Variants in CCDC91 observed in about 807,000 individuals in gnomAD.
CCDC91 encodes coiled-coil domain-containing protein 91.
A neutral mutation model predicts 63.2 loss-of-function variants in CCDC91; 48 were observed. The observed-to-expected ratio is 0.76, with a 90% CI of 0.60 to 0.97. CCDC91 has a LOEUF of 0.97. CCDC91 is among the 50% of genes least tolerant of loss of function. The pLI, the probability that CCDC91 is intolerant of heterozygous loss-of-function variation, is 0.00. For synonymous variants in CCDC91, 167 were observed against 165.8 expected (o/e 1.01, Z -0.06); for missense variants, 500 against 494.6 (o/e 1.01, Z -0.10).
rs150999297 is a variant in CCDC91 at position 28,464,407 on chromosome 12, C to T, written c.1101+11753C>T. ...CACCCATCCCCAGCCCCAGGTTGTA[C>T]AGCTCCCAGCTCCAAAAGAGACCCC... On this transcript the variant is annotated intron_variant, in intron 11 of 12. Coordinates refer to ENST00000536442, the MANE Select transcript of CCDC91 (RefSeq NM_018318.5). Among the ~76,000 whole-genome samples the T allele has an allele frequency of 1.8e-3, 281 of 152,298 alleles. 2 individuals carry two copies. Among genetic ancestry groups the T allele is most frequent in the African/African-American group, 6.3e-3 (261 of 41,576 alleles).
chr12:28,415,599 A>T (rs1306521419), intron 8 of CCDC91, among the ~76,000 whole-genome samples: 1 of 152,128 alleles, frequency 6.6e-6, no homozygotes, highest in Non-Finnish European at 1.5e-5. Flanking sequence ...AATTATAAAA[A>T]CATGGAAATT....
chr12:28,510,358 A>G (rs979562775), intron 12 of CCDC91, among the ~76,000 whole-genome samples: 3 of 151,690 alleles, frequency 2.0e-5, no homozygotes, highest in Non-Finnish European at 4.4e-5. Flanking sequence ...AGAGCTGATA[A>G]GTGGTTCCAA....
At chr12:28,540,539 T>C (rs758180048) in intron 12 of CCDC91, among the ~76,000 whole-genome samples, 3 of 152,120 alleles carry the variant, frequency 2.0e-5, no homozygotes, top group Non-Finnish European at 2.9e-5. Flanking sequence ...CAGCGTAGTA[T>C]TGTGGTTTAA....
intron 3 of CCDC91, among the ~76,000 whole-genome samples, chr12:28,299,838 C>T (rs1364656674): frequency 1.3e-5 from 2 of 151,000 alleles, no homozygotes; most frequent in African/African-American, 4.9e-5. Flanking sequence ...TTTTTTATTC[C>T]CTCAACCTTT....
chr12:28,478,501 T>G (rs990921577), intron 11 of CCDC91, among the ~76,000 whole-genome samples: 1 of 152,048 alleles, frequency 6.6e-6, no homozygotes. Flanking sequence ...CCTAAAACCA[T>G]AAAAACCCTA....
chr12:28,246,332 G>A (rs1334092030), intron 1 of CCDC91, among the ~76,000 whole-genome samples: 1 of 152,018 alleles, frequency 6.6e-6, no homozygotes, highest in Non-Finnish European at 1.5e-5. Flanking sequence ...GGGTCTTCAG[G>A]TTTATGTTGT....
intron 8 of CCDC91, among the ~76,000 whole-genome samples, chr12:28,396,930 A>G (rs1184645267): frequency 9.9e-5 from 15 of 152,124 alleles, no homozygotes; most frequent in African/African-American, 3.6e-4. Flanking sequence ...AGAACTTACG[A>G]GAAAGCTGGT....
chr12:28,325,181 G>A (rs1379503657), intron 6 of CCDC91, among the ~76,000 whole-genome samples: 1 of 151,894 alleles, frequency 6.6e-6, no homozygotes, highest in Non-Finnish European at 1.5e-5. Context: ...AAAAGTAATT[G>A]AATGTATACA....
chr12:28,255,798 C>T (rs1946405994), intron 1 of CCDC91: 1 of 152,036 alleles, frequency 6.6e-6, no homozygotes, highest in Admixed American at 6.6e-5. Context: ...TTTCCTTTGC[C>T]TGTTAAAACA....
intron 12 of CCDC91, among the ~76,000 whole-genome samples, chr12:28,511,066 C>G (rs1432371680): frequency 1.3e-5 from 2 of 151,912 alleles, no homozygotes; most frequent in Admixed American, 1.3e-4. Context: ...CTAAGTTCAT[C>G]AGCTTACCAC....
chr12:28,205,000 C>G (rs1942738031), intron 1 of CCDC91, among the ~76,000 whole-genome samples: 1 of 152,126 alleles, frequency 6.6e-6, no homozygotes, highest in South Asian at 2.1e-4. Flanking sequence ...GTTGACATTT[C>G]TTTAGGACCC....
In CCDC91 at chr12:28,492,931, A is replaced by C. The variant is rs1952087046; in HGVS notation, c.1215+8766A>C. 2.0e-5 allele frequency among the ~76,000 whole-genome samples: 3 copies of C among 151,784 alleles called. No homozygotes were observed. The Admixed American group carries it at 2.0e-4, about 10-fold the overall frequency. Reference sequence around the variant, plus strand: ...AAGTTGCTTGCTGTAAAAATTCAGCAATATAGGCTCCCAGAAAACAGTACC... The same window carrying C: ...AAGTTGCTTGCTGTAAAAATTCAGCCATATAGGCTCCCAGAAAACAGTACC... On this transcript the variant is annotated intron_variant, in intron 12 of 12. Coordinates refer to ENST00000536442, the MANE Select transcript of CCDC91 (RefSeq NM_018318.5).
At position 28,259,392 on chromosome 12, in the gene CCDC91, G is replaced by A. The variant is rs1946668089; in HGVS notation, c.59G>A (p.Gly20Asp). 6.2e-7 allele frequency: 1 copy of A among 1,611,616 alleles called. No homozygotes were observed. ...GCGGAGACTTTTGATGGTGGAAGTG[G>A]TGAAACCCAAACAACATCTCCTGCT... ...EAAETFDGGSGETQTTSPAIP... is the reference protein window; with the variant it reads ...EAAETFDGGSDETQTTSPAIP... The change falls in exon 3 of 13, where the codon GGT becomes GAT. Residue 20 changes from glycine (G) to aspartate (D), a missense_variant. Physicochemically the swap from Gly to Asp is moderately conservative, Grantham distance 94. Transcript: ENST00000536442.
chr12:28,257,173 G>T (rs747052379), intron 1 of CCDC91, 29 bp from the exon 2 acceptor site: 7 of 1,474,052 alleles, frequency 4.7e-6, no homozygotes, highest in African/African-American at 1.4e-5. Flanking sequence ...TGTGTGTGCG[G>T]GCTTGTTTCA....
intron 3 of CCDC91, among the ~76,000 whole-genome samples, chr12:28,265,240 C>G (rs758337892): frequency 4.6e-5 from 7 of 152,012 alleles, no homozygotes; most frequent in Admixed American, 1.3e-4. Flanking sequence ...TAGCACTACA[C>G]AGACCACATT....
At chr12:28,338,148 GA>G (rs1942130753) in intron 6 of CCDC91, among the ~76,000 whole-genome samples, 3 of 152,066 alleles carry the variant, frequency 2.0e-5, no homozygotes, top group Admixed American at 2.0e-4. Flanking sequence ...AAGCAAGCTG[GA>G]AAATGGTAGG....
intron 3 of CCDC91, among the ~76,000 whole-genome samples, chr12:28,290,228 T>G (rs1282736778): frequency 6.6e-6 from 1 of 152,184 alleles, no homozygotes; most frequent in Non-Finnish European, 1.5e-5. Flanking sequence ...TAGATCTTAT[T>G]GAATTGAGCC....
chr12:28,393,379 AT>A (rs556210228), intron 8 of CCDC91, among the ~76,000 whole-genome samples: 2,163 of 140,950 alleles, frequency 0.015, 56 homozygotes, highest in Admixed American at 0.068. Context: ...TCTTTTTGAA[AT>A]TTTTTTTTTT....
chr12:28,491,339 G>A (rs558780810), intron 12 of CCDC91, among the ~76,000 whole-genome samples: 1 of 151,810 alleles, frequency 6.6e-6, no homozygotes, highest in African/African-American at 2.4e-5. Context: ...CAAAAAAGTT[G>A]TGCGAGACCA....
Sources: gnomAD v4.1 joint callset for allele counts (sites outside exome capture counted in the v4.1 genomes callset) on GRCh38, gnomAD v4.1.1 for gene constraint, MANE v1.5 for transcripts, NCBI Gene and HGNC (gene_info 2026-07-23, HGNC 2026-07-21) for gene names.